SPATA17: variants seen among roughly 807,000 people sequenced by gnomAD.
SPATA17 encodes spermatogenesis associated 17.
In SPATA17, 53 loss-of-function variants were observed where a neutral mutation model predicts 62.2. The observed-to-expected ratio is 0.85, with a 90% CI of 0.68 to 1.07. The LOEUF (loss-of-function observed/expected upper bound fraction) is 1.07. SPATA17 is among the 50% of genes least tolerant of loss of function. SPATA17 has a pLI of 0.00. For synonymous variants in SPATA17, 146 were observed against 146.8 expected (o/e 0.99, Z 0.04); for missense variants, 466 against 425.5 (o/e 1.10, Z -0.84).
At chr1:217,699,711 C>T (rs572895364) in intron 5 of SPATA17, among the ~76,000 whole-genome samples, 10 of 152,212 alleles carry the variant, frequency 6.6e-5, no homozygotes, top group South Asian at 2.1e-4. Flanking sequence ...TTAATTTTAA[C>T]GGCATCCAGT....
chr1:217,742,147 G>A, intron 6 of SPATA17, 49 bp downstream of exon 6: 1 of 1,602,192 alleles, frequency 6.2e-7, no homozygotes, highest in South Asian at 1.1e-5. Flanking sequence ...TGGGCCCCTA[G>A]CCTGACAAAG....
At chr1:217,786,347 A>T (rs916914131) in intron 8 of SPATA17, among the ~76,000 whole-genome samples, 1 of 152,156 alleles carries the variant, frequency 6.6e-6, no homozygotes, top group Non-Finnish European at 1.5e-5. Context: ...ACAGATAAGG[A>T]ACTGAGTTGG....
chr1:217,773,929 G>C (rs1673522740), intron 6 of SPATA17, among the ~76,000 whole-genome samples: 2 of 152,006 alleles, frequency 1.3e-5, no homozygotes, highest in South Asian at 4.1e-4. Context: ...ATCAAGCATT[G>C]TATATTTGAC....
chr1:217,707,294 T>C (rs1033173613), intron 5 of SPATA17, among the ~76,000 whole-genome samples: 1 of 152,172 alleles, frequency 6.6e-6, no homozygotes, highest in African/African-American at 2.4e-5. Context: ...GAAACTTTGC[T>C]GAAGTTGTTA....
intron 8 of SPATA17, among the ~76,000 whole-genome samples, chr1:217,794,115 C>CAAAAA (rs376080845): frequency 1.8e-5 from 1 of 54,674 alleles, no homozygotes; most frequent in Admixed American, 1.9e-4. Flanking sequence ...GACTCCGTCA[C>CAAAAA]AAAAAAAAAA....
At chr1:217,815,693 G>T (rs189149500) in intron 9 of SPATA17, among the ~76,000 whole-genome samples, 3 of 152,136 alleles carry the variant, frequency 2.0e-5, no homozygotes, top group South Asian at 2.1e-4. Flanking sequence ...TAATGTGGGT[G>T]GGTCTCATTC....
At chr1:217,786,663 T>C (rs1295736480) in intron 8 of SPATA17, among the ~76,000 whole-genome samples, 1 of 152,110 alleles carries the variant, frequency 6.6e-6, no homozygotes, top group Non-Finnish European at 1.5e-5. Flanking sequence ...AAGAATATGA[T>C]AGATGCAGTG....
At chr1:217,684,597 T>C (rs751871964) in intron 5 of SPATA17, among the ~76,000 whole-genome samples, 17 of 152,050 alleles carry the variant, frequency 1.1e-4, no homozygotes, top group East Asian at 1.9e-4. Flanking sequence ...ATATTTTTAA[T>C]AGAGATGGGG....
chr1:217,679,067 C>A (rs4240916), intron 4 of SPATA17, among the ~76,000 whole-genome samples: 34,887 of 151,884 alleles, frequency 0.23, 4,433 homozygotes, highest in East Asian at 0.58. Context: ...TTTAAGACGT[C>A]ATTTGTTTCT....
intron 9 of SPATA17, among the ~76,000 whole-genome samples, chr1:217,837,868 A>G (rs1450147273): frequency 6.6e-6 from 1 of 152,134 alleles, no homozygotes. Flanking sequence ...TGTTTACTAA[A>G]TAGCAGACAG....
intron 5 of SPATA17, among the ~76,000 whole-genome samples, chr1:217,741,358 A>G (rs558827616): frequency 9.9e-5 from 15 of 152,160 alleles, no homozygotes; most frequent in Non-Finnish European, 1.8e-4. Context: ...AATTTATTAT[A>G]CTTAGAAAAG....
chr1:217,682,938 T>C (rs1039893624), intron 4 of SPATA17, among the ~76,000 whole-genome samples: 14 of 152,174 alleles, frequency 9.2e-5, no homozygotes, highest in African/African-American at 3.4e-4. Context: ...AAAAATTGAT[T>C]TGCCCAGGAA....
At chr1:217,636,129 C>CT (rs1207406760) in intron 1 of SPATA17, among the ~76,000 whole-genome samples, 1 of 9,814 alleles carries the variant, frequency 1.0e-4, no homozygotes, top group African/African-American at 5.8e-4. Flanking sequence ...GAGACTCCGT[C>CT]TCAAAAAAAA....
chr1:217,858,343 G>A (rs1675825994), intron 9 of SPATA17, among the ~76,000 whole-genome samples: 1 of 152,086 alleles, frequency 6.6e-6, no homozygotes, highest in African/African-American at 2.4e-5. Context: ...AATATGAATA[G>A]ACTTCTATTA....
chr1:217,737,410 TCA>T (rs972316113), intron 5 of SPATA17, among the ~76,000 whole-genome samples: 1 of 152,154 alleles, frequency 6.6e-6, no homozygotes, highest in African/African-American at 2.4e-5. Context: ...GAAACAACTC[TCA>T]GACAGTGATT....
intron 8 of SPATA17, among the ~76,000 whole-genome samples, chr1:217,787,867 T>C (rs534522219): frequency 2.0e-5 from 3 of 152,320 alleles, no homozygotes; most frequent in Admixed American, 2.0e-4. Context: ...TAAGACAGAA[T>C]GTTATATATA....
At chr1:217,759,153 T>G (rs748141544) in intron 6 of SPATA17, among the ~76,000 whole-genome samples, 2 of 152,066 alleles carry the variant, frequency 1.3e-5, no homozygotes, top group African/African-American at 4.8e-5. Flanking sequence ...ACATGAAATA[T>G]TCAGATTACA....
intron 5 of SPATA17, among the ~76,000 whole-genome samples, chr1:217,732,593 G>A (rs1424615752): frequency 2.6e-5 from 4 of 152,102 alleles, no homozygotes; most frequent in African/African-American, 9.7e-5. Context: ...TGTGAAGATG[G>A]GCAATGGAGA....
chr1:217,728,603 T>G (rs61825781), intron 5 of SPATA17, among the ~76,000 whole-genome samples: 1 of 152,058 alleles, frequency 6.6e-6, no homozygotes, highest in South Asian at 2.1e-4. Flanking sequence ...CACAGGACGA[T>G]TTTTGTTAAA....
Sources: gnomAD v4.1 joint callset for allele counts (sites outside exome capture counted in the v4.1 genomes callset) on GRCh38, gnomAD v4.1.1 for gene constraint, MANE v1.5 for transcripts, NCBI Gene and HGNC (gene_info 2026-07-23, HGNC 2026-07-21) for gene names.